Variants in CARD8 observed in about 807,000 individuals in gnomAD.
CARD8 encodes caspase recruitment domain family member 8.
A neutral mutation model predicts 53.2 loss-of-function variants in CARD8; 38 were observed. The ratio of observed to expected loss-of-function variants is 0.71; its 90% confidence interval spans 0.55 to 0.94. The LOEUF (loss-of-function observed/expected upper bound fraction) is 0.94. Ranked by LOEUF, CARD8 falls within the 40% of genes least tolerant of loss-of-function variation. The pLI, the probability that CARD8 is intolerant of heterozygous loss-of-function variation, is 0.00. For synonymous variants in CARD8, 245 were observed against 244.9 expected, an observed-to-expected ratio of 1.00 and a Z score of 0.00; for missense variants, 561 against 655.5, an observed-to-expected ratio of 0.86 and a Z score of 1.57.
intron 13 of CARD8, among the ~76,000 whole-genome samples, chr19:48,213,900 C>G (rs1187612943): frequency 6.6e-6 from 1 of 152,146 alleles, no homozygotes. Flanking sequence ...GTCTAAAGTC[C>G]AAAATATTTC....
chr19:48,238,999 A>G (rs2044444982), intron 4 of CARD8, among the ~76,000 whole-genome samples: 1 of 152,194 alleles, frequency 6.6e-6, no homozygotes, highest in Non-Finnish European at 1.5e-5. Context: ...ACACTTGGTG[A>G]TGCTCGCTAC....
intron 10 of CARD8, among the ~76,000 whole-genome samples, chr19:48,222,096 A>G (rs1165031572): frequency 6.6e-6 from 1 of 152,182 alleles, no homozygotes; most frequent in Non-Finnish European, 1.5e-5. Flanking sequence ...CTCAGGGCCA[A>G]AGGATTTCTT....
At position 48,210,647 on chromosome 19, in the gene CARD8, A is replaced by G. The variant is rs560255139; in HGVS notation, c.*1063T>C. The G allele has an allele frequency of 6.6e-6, 1 of 152,332 alleles. No individual in the cohort carries two copies. Among genetic ancestry groups the G allele is most frequent in the African/African-American group, 2.4e-5 (1 of 41,584 alleles). 9.4% of individuals were successfully genotyped at this position (152,332 alleles called of 1,614,324 possible). A position where few individuals can be genotyped will look rare whatever the true frequency, so the allele number is the denominator to read the frequency against. ...AAATGTGATAACAGTAGAATAGAAA[A>G]GACATAACAAACTGGCTGACTGAGG... On this transcript the variant is annotated 3_prime_UTR_variant, in exon 14 of 14. Transcript: ENST00000651546.
In CARD8 at chr19:48,218,884, A is replaced by G; in HGVS notation, c.1290T>C (p.Thr430=). 2 of 1,614,186 alleles carry G rather than the reference A, an allele frequency of 1.2e-6. No homozygotes were observed. The highest frequency in any genetic ancestry group is 1.3e-5 in the African/African-American group (1 of 75,048). The change falls in exon 12 of 14, where the codon ACT becomes ACC. Residue 430 remains threonine (T), a synonymous_variant. Coordinates refer to ENST00000651546, the MANE Select transcript of CARD8 (RefSeq NM_001184900.3). ...CCACTCACCTACCTGGCTTCACCTC[A>G]GTATCCCACACCAAAGTCCCATGTC... ...EKRHGTLVWD[T]EVKPVDLQLV...
chr19:48,252,880 CTG>C (rs1254651424), intron 1 of CARD8, among the ~76,000 whole-genome samples: 2 of 151,820 alleles, frequency 1.3e-5, no homozygotes, highest in African/African-American at 2.4e-5. Context: ...TTTAAACTAA[CTG>C]TATCTGCTTG....
intron 10 of CARD8, among the ~76,000 whole-genome samples, chr19:48,227,160 G>A (rs192826809): frequency 6.6e-6 from 1 of 152,086 alleles, no homozygotes; most frequent in African/African-American, 2.4e-5. Context: ...TGGCTTGAAT[G>A]ACTCAATGAA....
At chr19:48,222,131 G>A (rs138035276) in intron 10 of CARD8, among the ~76,000 whole-genome samples, 3 of 152,276 alleles carry the variant, frequency 2.0e-5, no homozygotes, top group African/African-American at 7.2e-5. Context: ...ATAAATTCTT[G>A]TATAGTTTGC....
At chr19:48,243,486 A>G (rs1180142241) in intron 3 of CARD8, among the ~76,000 whole-genome samples, 1 of 152,224 alleles carries the variant, frequency 6.6e-6, no homozygotes, top group East Asian at 1.9e-4. Flanking sequence ...TAAAATCTGC[A>G]TATTTAATTT....
chr19:48,241,597 G>GC (rs2045114749), intron 3 of CARD8, among the ~76,000 whole-genome samples: 1 of 152,130 alleles, frequency 6.6e-6, no homozygotes, highest in African/African-American at 2.4e-5. Flanking sequence ...CCCTGGGTCT[G>GC]CAAGTTAAGT....
At chr19:48,205,415 A>G (rs1054858952), downstream of CARD8, among the ~76,000 whole-genome samples, 4 of 152,050 alleles carry the variant, frequency 2.6e-5, no homozygotes, top group Middle Eastern at 3.2e-3. Flanking sequence ...ATTTTAGTAG[A>G]GAAGGGGTTT....
rs1395950283 is a variant in CARD8, at chr19:48,238,394, C to A, written c.198G>T (p.Val66=). The A allele has an allele frequency of 6.5e-7, 1 of 1,535,818 alleles. No homozygotes were observed. The highest frequency in any genetic ancestry group is 2.0e-5 in the Admixed American group (1 of 50,926). The change falls in exon 5 of 14, where the codon GTG becomes GTT. Residue 66 remains valine (V), a synonymous_variant. Coordinates refer to ENST00000651546, the MANE Select transcript of CARD8 (RefSeq NM_001184900.3). ...TGIFFQAEAC[V]TNDTVYRELP... The stretch of plus-strand genomic sequence containing the variant: ...TAGATGTCCCTTACGTATCATTTGT[C>A]ACACAGGCCTCAGCCTGAAAAAAAA...
intron 3 of CARD8, among the ~76,000 whole-genome samples, chr19:48,244,884 A>G (rs745560688): frequency 2.9e-5 from 4 of 138,094 alleles, no homozygotes; most frequent in East Asian, 1.9e-4. Flanking sequence ...CTTGGGGGGA[A>G]AAAAACTCCA....
intron 3 of CARD8, among the ~76,000 whole-genome samples, chr19:48,247,754 T>TTGTA (rs1555858408): frequency 9.2e-6 from 1 of 108,526 alleles, no homozygotes; most frequent in African/African-American, 4.3e-5. Context: ...CACTATGTTA[T>TTGTA]TGTATATATA....
chr19:48,236,014 C>G (rs10407276), intron 5 of CARD8, among the ~76,000 whole-genome samples: 1,718 of 152,050 alleles, frequency 0.011, 35 homozygotes, highest in African/African-American at 0.04. Flanking sequence ...TTCAGCAATT[C>G]TGATTAAAGT....
At chr19:48,235,314 C>A (rs968549093) in intron 5 of CARD8, among the ~76,000 whole-genome samples, 2 of 152,066 alleles carry the variant, frequency 1.3e-5, no homozygotes, top group Non-Finnish European at 2.9e-5. Context: ...CAGCCACTAG[C>A]CACACCTGCC....
intron 13 of CARD8, among the ~76,000 whole-genome samples, chr19:48,212,769 C>T (rs898309778): frequency 2.6e-5 from 4 of 152,228 alleles, no homozygotes. Context: ...TCACCACCTA[C>T]AGAGATGTTC....
downstream of CARD8, chr19:48,206,489 G>C (rs1344118288): frequency 8.7e-6 from 4 of 461,542 alleles, no homozygotes; most frequent in Non-Finnish European, 1.8e-5. Flanking sequence ...TTCTAGGCAA[G>C]ATTGGGCAGC....
At chr19:48,230,313 C>T (rs1048484029) in intron 10 of CARD8, 125 bp downstream of exon 10, 3 of 1,065,632 alleles carry the variant, frequency 2.8e-6, no homozygotes, top group Non-Finnish European at 4.1e-6. Context: ...GGAAGGGTGA[C>T]TCCTGCTTCT....
chr19:48,232,648 G>A (rs1158912293), intron 6 of CARD8, 155 bp from the exon 7 acceptor site: 2 of 735,762 alleles, frequency 2.7e-6, no homozygotes, highest in African/African-American at 3.5e-5. Context: ...ATTAAACTTA[G>A]GTAAACTTTA....
Sources: allele counts gnomAD v4.1 joint callset (sites outside exome capture counted in the v4.1 genomes callset), GRCh38; gene constraint gnomAD v4.1.1; transcripts MANE v1.5; gene names NCBI Gene and HGNC (gene_info 2026-07-23, HGNC 2026-07-21).